The following BMP8A variants were observed in gnomAD, a reference collection of about 807,000 sequenced individuals.
BMP8A encodes BMP-8A.
Under a neutral mutation model 36.8 loss-of-function variants are expected in BMP8A, and 14 were observed. That is an observed-to-expected ratio of 0.38 (90% CI 0.25 to 0.60). BMP8A has a LOEUF of 0.60. Ranked by LOEUF, BMP8A falls within the 20% of genes least tolerant of loss-of-function variation. The probability of loss-of-function intolerance (pLI) is 0.63; values close to 1 mark genes in which losing one functional copy is unlikely to be tolerated. For missense variants in BMP8A, 267 were observed against 551.1 expected, an observed-to-expected ratio of 0.48 and a Z score of 5.16; for synonymous variants, 120 against 237.7, an observed-to-expected ratio of 0.50 and a Z score of 4.55.
rs1645161214 is a variant in BMP8A at position 39,491,906 on chromosome 1, C to T, written c.-86C>T. On this transcript the variant is annotated 5_prime_UTR_variant, in exon 1 of 7. Transcript: ENST00000331593. ...AGCCCCGCCCCCTGCTCGCCGAACTCAGCTCCCCGTTCGCCGTCGGGGCGT... is the reference window on the plus strand; with the variant it reads ...AGCCCCGCCCCCTGCTCGCCGAACTTAGCTCCCCGTTCGCCGTCGGGGCGT... The T allele has an allele frequency of 9.8e-7, 1 of 1,022,968 alleles. No individual in the cohort carries two copies. Among genetic ancestry groups the T allele is most frequent in the Non-Finnish European group, 1.2e-6 (1 of 851,604 alleles). 63.4% of individuals were successfully genotyped at this position (1,022,968 alleles called of 1,614,324 possible). A position where few individuals can be genotyped will look rare whatever the true frequency, so the allele number is the denominator to read the frequency against.
intron 1 of BMP8A, among the ~76,000 whole-genome samples, chr1:39,501,383 T>C (rs538139657): frequency 6.6e-6 from 1 of 152,296 alleles, no homozygotes; most frequent in Non-Finnish European, 1.5e-5. Context: ...TTTTCTTTTT[T>C]TGAGACGGAG....
chr1:39,525,638 T>C lies in BMP8A; in HGVS notation c.1060-11T>C. 1.2e-6 allele frequency: 2 copies of C among 1,613,514 alleles called. No homozygotes were observed. Among genetic ancestry groups the C allele is most frequent in the East Asian group, 2.2e-5 (1 of 44,880 alleles). The stretch of plus-strand genomic sequence containing the variant: ...GCCTCATGCCCCTGCCTGTGCTCCC[T>C]TCCTGGCCAGGTGCACCTGATGAAG... On this transcript the variant is annotated splice_polypyrimidine_tract_variant and intron_variant, in intron 6 of 6. Coordinates refer to ENST00000331593, the MANE Select transcript of BMP8A (RefSeq NM_181809.4).
chr1:39,506,374 A>G (rs1008619917), intron 1 of BMP8A, among the ~76,000 whole-genome samples: 2 of 151,914 alleles, frequency 1.3e-5, no homozygotes, highest in Admixed American at 6.6e-5. Context: ...ACGCCCAGCT[A>G]ATTTTTGTAT....
intron 1 of BMP8A, among the ~76,000 whole-genome samples, chr1:39,494,330 CTTTCTTTCTTT>C (rs1485418267): frequency 6.6e-6 from 1 of 150,376 alleles, no homozygotes; most frequent in Non-Finnish European, 1.5e-5. Context: ...TTCTTTCCTT[CTTTCTTTCTTT>C]TTTCTTTTTT....
chr1:39,509,987 T>C (rs1301473066), intron 1 of BMP8A, among the ~76,000 whole-genome samples: 1 of 151,838 alleles, frequency 6.6e-6, no homozygotes, highest in Non-Finnish European at 1.5e-5. Context: ...CTACAGCCTT[T>C]GTTTGATTGG....
intron 3 of BMP8A, chr1:39,514,948 G>A: frequency 1.3e-6 from 2 of 1,508,300 alleles, no homozygotes; most frequent in Non-Finnish European, 8.8e-7. Flanking sequence ...CTCCGACCCG[G>A]GCCGACTATG....
chr1:39,495,163 G>T (rs1230909174), intron 1 of BMP8A, among the ~76,000 whole-genome samples: 1 of 152,184 alleles, frequency 6.6e-6, no homozygotes, highest in Admixed American at 6.5e-5. Context: ...TCTCACACCT[G>T]CTTCTGCCAG....
intron 1 of BMP8A, among the ~76,000 whole-genome samples, chr1:39,499,726 A>G (rs1034261564): frequency 6.6e-6 from 1 of 152,096 alleles, no homozygotes; most frequent in African/African-American, 2.4e-5. Context: ...ATTTTCCCAG[A>G]GCCACGGTGA....
At chr1:39,523,772 T>G (rs957553978) in intron 6 of BMP8A, 1 of 1,163,360 alleles carries the variant, frequency 8.6e-7, no homozygotes, top group African/African-American at 1.6e-5. Context: ...TGTTTGCGGA[T>G]TCTGGCACCG....
chr1:39,517,892 G>A (rs1467546692), intron 3 of BMP8A, among the ~76,000 whole-genome samples: 1 of 152,264 alleles, frequency 6.6e-6, no homozygotes, highest in Admixed American at 6.5e-5. Context: ...TAGGACAGGA[G>A]GAGTTCTAGA....
intron 1 of BMP8A, among the ~76,000 whole-genome samples, chr1:39,508,900 G>A (rs1369859843): frequency 6.6e-6 from 1 of 152,202 alleles, no homozygotes; most frequent in African/African-American, 2.4e-5. Flanking sequence ...TGGAATTCCT[G>A]GGTGGTTTAT....
Position 39,527,588 on chromosome 1 carries a change from G to T in BMP8A, c.*1790G>T, listed in dbSNP as rs145379430. On this transcript the variant is annotated 3_prime_UTR_variant, in exon 7 of 7. Transcript: ENST00000331593. ...CTGCGGGACAGCAGCCCCTCCACCTGGACCAGGGAGGGCCTCCATGTGCAA... is the reference window on the plus strand; with the variant it reads ...CTGCGGGACAGCAGCCCCTCCACCTTGACCAGGGAGGGCCTCCATGTGCAA... Among the ~76,000 whole-genome samples the T allele has an allele frequency of 1.3e-5, 2 of 152,182 alleles. No homozygotes were observed. Among genetic ancestry groups the T allele is most frequent in the East Asian group, 3.9e-4 (2 of 5,190 alleles).
Position 39,491,975 on chromosome 1 carries a change from AGCGCCCCCGGCCCGCCATGGCCGC to A in BMP8A, c.-9_15del, listed in dbSNP as rs1360566467. 9.3e-7 allele frequency: 1 copy of A among 1,075,562 alleles called. No homozygotes were observed. Among genetic ancestry groups the A allele is most frequent in the Non-Finnish European group, 1.1e-6 (1 of 888,958 alleles). 66.6% of individuals were successfully genotyped at this position (1,075,562 alleles called of 1,614,324 possible). A position where few individuals can be genotyped will look rare whatever the true frequency, so the allele number is the denominator to read the frequency against. ...CGGCGGAGCTGATGTGCGCCCGCTG[AGCGCCCCCGGCCCGCCATGGCCGC>A]GCGCCCCGGACCGCTCTGGCTTCTG... On this transcript the variant is annotated start_lost and 5_prime_UTR_variant, in exon 1 of 7. Transcript: ENST00000331593.
At chr1:39,505,412 C>T (rs782867) in intron 1 of BMP8A, among the ~76,000 whole-genome samples, 143,143 of 152,266 alleles carry the variant, frequency 0.94, 67,332 homozygotes, top group East Asian at 1. Flanking sequence ...CCATTAAACC[C>T]TGAGTCAATA....
rs200751474 is a variant in BMP8A, at chr1:39,525,817, A to G, written c.*19A>G. On this transcript the variant is annotated 3_prime_UTR_variant, in exon 7 of 7. Coordinates refer to ENST00000331593, the MANE Select transcript of BMP8A (RefSeq NM_181809.4). ...CCACTGAGTCAGCCCGCCCAGCCCT[A>G]CTGCAGCCACCCTTCTCATCTGGAT... is the stretch of plus-strand genomic sequence containing the variant. 1,689 of 1,613,244 alleles carry G rather than the reference A, an allele frequency of 1.0e-3. 8 individuals are homozygous for G. In the African/African-American group the frequency reaches 0.015, roughly 14 times the overall value.
chr1:39,507,399 C>G (rs1429330361), intron 1 of BMP8A, among the ~76,000 whole-genome samples: 1 of 152,194 alleles, frequency 6.6e-6, no homozygotes, highest in Non-Finnish European at 1.5e-5. Flanking sequence ...GAGGCAGCAG[C>G]AGGCATTGCA....
Position 39,526,527 on chromosome 1 carries a change from C to T in BMP8A, c.*729C>T, listed in dbSNP as rs1335888199. On this transcript the variant is annotated 3_prime_UTR_variant, in exon 7 of 7. Coordinates refer to ENST00000331593, the MANE Select transcript of BMP8A (RefSeq NM_181809.4). ...CTCATTCTTGTATTTTTAGTAGAGA[C>T]GGGGTTTCACCATATCGGCCAGGCT... Among the ~76,000 whole-genome samples, 13 of 152,076 alleles carry T rather than the reference C, an allele frequency of 8.5e-5. No homozygotes were observed. Among genetic ancestry groups the T allele is most frequent in the African/African-American group, 3.1e-4 (13 of 41,404 alleles).
At chr1:39,494,838 C>T (rs561473891) in intron 1 of BMP8A, among the ~76,000 whole-genome samples, 1 of 152,314 alleles carries the variant, frequency 6.6e-6, no homozygotes, top group South Asian at 2.1e-4. Flanking sequence ...CTGAGCACTT[C>T]ATGAAGACTC....
Position 39,529,404 on chromosome 1 carries a change from C to T in BMP8A, c.*3606C>T, listed in dbSNP as rs1278486111. ...GAGTCTGGGCCAGCAGTGACCCACG[C>T]GCTAGGGTCTCTGCTGAGGAAGTGG... is the stretch of plus-strand genomic sequence containing the variant. On this transcript the variant is annotated 3_prime_UTR_variant, in exon 7 of 7. Coordinates refer to ENST00000331593, the MANE Select transcript of BMP8A (RefSeq NM_181809.4). Among the ~76,000 whole-genome samples, 2 of 152,152 alleles carry T rather than the reference C, an allele frequency of 1.3e-5. No individual in the cohort carries two copies. Among genetic ancestry groups the T allele is most frequent in the Non-Finnish European group, 2.9e-5 (2 of 68,012 alleles).
Sources: gnomAD v4.1 joint callset for allele counts (sites outside exome capture counted in the v4.1 genomes callset) on GRCh38, gnomAD v4.1.1 for gene constraint, MANE v1.5 for transcripts, NCBI Gene and HGNC (gene_info 2026-07-23, HGNC 2026-07-21) for gene names.